The following PCMTD2 variants were observed in gnomAD, a reference collection of about 807,000 sequenced individuals.
PCMTD2 encodes protein-L-isoaspartate O-methyltransferase domain-containing protein 2.
PCMTD2 carries 16 observed loss-of-function variants against 33.4 expected under a neutral mutation model. That is an observed-to-expected ratio of 0.48 (90% CI 0.32 to 0.73). The LOEUF (loss-of-function observed/expected upper bound fraction) is 0.73, where lower values mean the gene tolerates loss of function less well. PCMTD2 is among the 30% of genes least tolerant of loss of function. The probability of loss-of-function intolerance (pLI) is 0.03; values close to 1 mark genes in which losing one functional copy is unlikely to be tolerated. For synonymous variants in PCMTD2, 161 were observed against 160.8 expected, an observed-to-expected ratio of 1.00 and a Z score of -0.01; for missense variants, 374 against 449.9, an observed-to-expected ratio of 0.83 and a Z score of 1.53.
chr20:64,267,385 A>G (rs1775326999), intron 4 of PCMTD2, among the ~76,000 whole-genome samples: 1 of 152,228 alleles, frequency 6.6e-6, no homozygotes, highest in African/African-American at 2.4e-5. Context: ...ACAAGTTTGC[A>G]TTTAAAAAAG....
chr20:64,264,284 G>A (rs1024982876), intron 2 of PCMTD2, 145 bp from the exon 3 acceptor site: 6 of 581,582 alleles, frequency 1.0e-5, no homozygotes, highest in East Asian at 2.9e-5. Context: ...GTGGTGAGCC[G>A]TGATACTGTG....
At chr20:64,264,180 A>G (rs1985554761) in intron 2 of PCMTD2, among the ~76,000 whole-genome samples, 1 of 152,226 alleles carries the variant, frequency 6.6e-6, no homozygotes, top group African/African-American at 2.4e-5. Flanking sequence ...TCTTTAGTTC[A>G]TTAGTAAGAC....
At chr20:64,267,492 C>T (rs772418115) in intron 4 of PCMTD2, among the ~76,000 whole-genome samples, 17 of 152,214 alleles carry the variant, frequency 1.1e-4, no homozygotes, top group Non-Finnish European at 1.8e-4. Context: ...TGGTTGGTAA[C>T]GTATCTGTAA....
rs1986085109 is a variant in PCMTD2 at position 64,276,171 on chromosome 20, AC to A, written c.*2572del. The A allele has an allele frequency of 6.6e-6, 1 of 152,194 alleles. No homozygotes were observed. Among genetic ancestry groups the A allele is most frequent in the Admixed American group, 6.5e-5 (1 of 15,280 alleles). 9.4% of individuals were successfully genotyped at this position (152,194 alleles called of 1,614,324 possible). On this transcript the variant is annotated 3_prime_UTR_variant, in exon 6 of 6. Transcript: ENST00000308824. The stretch of plus-strand genomic sequence containing the variant: ...ATTACTGCTTGATTCTGTGACAGTC[AC>A]AATAGATGTAGAGAAGGCATTATTT...
At chr20:64,266,232 A>G (rs1379879446) in intron 4 of PCMTD2, among the ~76,000 whole-genome samples, 1 of 152,008 alleles carries the variant, frequency 6.6e-6, no homozygotes, top group Non-Finnish European at 1.5e-5. Context: ...CCATGCCCAG[A>G]TAAATTTATT....
intron 5 of PCMTD2, chr20:64,271,883 C>G (rs1985925465): frequency 4.8e-6 from 1 of 206,316 alleles, no homozygotes; most frequent in South Asian, 7.8e-5. Context: ...GTTTCAGCCT[C>G]TTGGGGCAAC....
rs1986082304 is a variant in PCMTD2, at chr20:64,276,044, CTGTG to C, written c.*2446_*2449del. 1 of 152,186 alleles carries C rather than the reference CTGTG, an allele frequency of 6.6e-6. No individual in the cohort carries two copies. Among genetic ancestry groups the C allele is most frequent in the African/African-American group, 2.4e-5 (1 of 41,436 alleles). 9.4% of individuals were successfully genotyped at this position (152,186 alleles called of 1,614,324 possible). On this transcript the variant is annotated 3_prime_UTR_variant, in exon 6 of 6. Coordinates refer to ENST00000308824, the MANE Select transcript of PCMTD2 (RefSeq NM_018257.3). Reference sequence around the variant, plus strand: ...TTATCCTTAGCATTGCTTCTGCATCCTGTGTAGGATTCCAATTCTTGAATATGTT... The same window carrying C: ...TTATCCTTAGCATTGCTTCTGCATCCTAGGATTCCAATTCTTGAATATGTT...
chr20:64,269,163 G>T (rs1048054423), intron 5 of PCMTD2, among the ~76,000 whole-genome samples: 5 of 152,232 alleles, frequency 3.3e-5, no homozygotes, highest in Non-Finnish European at 5.9e-5. Flanking sequence ...TACAGTGCCT[G>T]TGTATCCTGG....
chr20:64,266,094 G>C (rs1439560048), intron 4 of PCMTD2, among the ~76,000 whole-genome samples: 1 of 152,146 alleles, frequency 6.6e-6, no homozygotes, highest in Non-Finnish European at 1.5e-5. Context: ...TTGGAGATGA[G>C]ATCTTGCTCT....
chr20:64,269,852 C>CGAGTGCG (rs1555820246), intron 5 of PCMTD2, among the ~76,000 whole-genome samples: 2 of 141,936 alleles, frequency 1.4e-5, no homozygotes, highest in Admixed American at 7.0e-5. Flanking sequence ...TGGGTGCTGG[C>CGAGTGCG]GTGTGGGGGG....
chr20:64,272,976 A>G (rs1352428424), intron 5 of PCMTD2, among the ~76,000 whole-genome samples: 2 of 152,214 alleles, frequency 1.3e-5, no homozygotes, highest in African/African-American at 4.8e-5. Flanking sequence ...AATATAGCCA[A>G]GCAATATTGC....
At chr20:64,272,137 TACTC>T (rs1985936685) in intron 5 of PCMTD2, 10 of 378,176 alleles carry the variant, frequency 2.6e-5, no homozygotes, top group Admixed American at 1.1e-4. Context: ...AGGTGCTACT[TACTC>T]ACTACCAGGG....
chr20:64,275,129 A>G lies in PCMTD2; in HGVS notation c.*1529A>G, dbSNP rs2145772681. On this transcript the variant is annotated 3_prime_UTR_variant, in exon 6 of 6. Coordinates refer to ENST00000308824, the MANE Select transcript of PCMTD2 (RefSeq NM_018257.3). ...TTACCACACAGTCCAGTTTGCATGT[A>G]TAGCTAGGAAACATGTATTGCTCTA... 1 of 152,242 alleles carries G rather than the reference A, an allele frequency of 6.6e-6. No individual in the cohort carries two copies. Among genetic ancestry groups the G allele is most frequent in the Middle Eastern group, 3.4e-3 (1 of 294 alleles). 9.4% of individuals were successfully genotyped at this position (152,242 alleles called of 1,614,324 possible). A position where few individuals can be genotyped will look rare whatever the true frequency, so the allele number is the denominator to read the frequency against.
chr20:64,268,406 T>C (rs556251493), intron 5 of PCMTD2, among the ~76,000 whole-genome samples: 2 of 152,348 alleles, frequency 1.3e-5, no homozygotes, highest in Admixed American at 6.5e-5. Flanking sequence ...GCCAAGCGCC[T>C]GCTGCCTCAT....
intron 5 of PCMTD2, among the ~76,000 whole-genome samples, chr20:64,272,859 G>A (rs1985964118): frequency 6.6e-6 from 1 of 152,166 alleles, no homozygotes; most frequent in South Asian, 2.1e-4. Flanking sequence ...TGTATTACTA[G>A]TAGGTGGGTA....
At chr20:64,261,306 G>T (rs1351171079) in intron 2 of PCMTD2, among the ~76,000 whole-genome samples, 1 of 152,214 alleles carries the variant, frequency 6.6e-6, no homozygotes, top group Non-Finnish European at 1.5e-5. Context: ...AAAGCTGGCT[G>T]AGAAGACGCT....
intron 3 of PCMTD2, 71 bp from the exon 4 acceptor site, chr20:64,265,187 A>G (rs1985604920): frequency 1.8e-6 from 2 of 1,113,138 alleles, no homozygotes; most frequent in Non-Finnish European, 2.6e-6. Flanking sequence ...ACCTGTGGTT[A>G]GCATAGATTT....
intron 1 of PCMTD2, among the ~76,000 whole-genome samples, chr20:64,258,018 AG>A (rs1568731296): frequency 6.6e-6 from 1 of 152,254 alleles, no homozygotes; most frequent in Non-Finnish European, 1.5e-5. Context: ...AATAAGTGAT[AG>A]TTACTTAGTG....
rs1407986374 is a variant in PCMTD2, at chr20:64,256,397, G to C, written c.-25+527G>C. On this transcript the variant is annotated intron_variant, in intron 1 of 5. Transcript: ENST00000308824. ...GAAGGAGAACTTGCCTGAGCTTCGG[G>C]CCTTTGTTTTGTTTTTGTGAGAGGG... Among the ~76,000 whole-genome samples, 5 of 152,152 alleles carry C rather than the reference G, an allele frequency of 3.3e-5. No individual in the cohort carries two copies. In the South Asian group the frequency reaches 1.0e-3, roughly 32 times the overall value.
Sources: allele counts gnomAD v4.1 joint callset (sites outside exome capture counted in the v4.1 genomes callset), GRCh38; gene constraint gnomAD v4.1.1; transcripts MANE v1.5; gene names NCBI Gene and HGNC (gene_info 2026-07-23, HGNC 2026-07-21).